The following BDP1 variants were observed in gnomAD, a reference collection of about 807,000 sequenced individuals.
BDP1 encodes transcription factor TFIIIB component B'' homolog.
A neutral mutation model predicts 266.6 loss-of-function variants in BDP1; 169 were observed. The ratio of observed to expected loss-of-function variants is 0.63; its 90% CI spans 0.56 to 0.72. The LOEUF (loss-of-function observed/expected upper bound fraction) is 0.72, where lower values mean the gene tolerates loss of function less well. BDP1 is among the 30% of genes least tolerant of loss of function. The pLI, the probability that BDP1 is intolerant of heterozygous loss-of-function variation, is 0.00. For synonymous variants in BDP1, 1,090 were observed against 1,022.4 expected (o/e 1.07, Z -1.26); for missense variants, 3,015 against 3,053.8 (o/e 0.99, Z 0.30).
intron 8 of BDP1, among the ~76,000 whole-genome samples, chr5:71,485,775 T>C (rs1360780616): frequency 2.6e-5 from 4 of 152,310 alleles, no homozygotes; most frequent in South Asian, 2.1e-4. Context: ...CTGATACTTA[T>C]AAGAGTAAAT....
At chr5:71,563,026 A>G in intron 38 of BDP1, 1 of 438,206 alleles carries the variant, frequency 2.3e-6, no homozygotes, top group Non-Finnish European at 3.6e-6. Context: ...TGGAAGGGGT[A>G]CTTTTGTAAA....
intron 28 of BDP1, among the ~76,000 whole-genome samples, chr5:71,540,809 A>G (rs1000145817): frequency 6.6e-6 from 1 of 152,104 alleles, no homozygotes; most frequent in Non-Finnish European, 1.5e-5. Context: ...ATGGTGGTGT[A>G]CACTTGTAGT....
chr5:71,490,924 G>A, intron 10 of BDP1, 60 bp from the exon 11 acceptor site: 1 of 1,534,972 alleles, frequency 6.5e-7, no homozygotes. Flanking sequence ...ATTCCTTTGT[G>A]CTCTAAAAAA....
chr5:71,490,921 T>C lies in BDP1; in HGVS notation c.1493-63T>C, dbSNP rs148113088. On this transcript the variant is annotated intron_variant, in intron 10 of 38. Transcript: ENST00000358731. ...AAAGAGTGTTATAGGTAAATTCCTT[T>C]GTGCTCTAAAAAAGATGTTTTTGCT... The C allele has an allele frequency of 1.1e-3, 1,618 of 1,525,764 alleles. 21 individuals are homozygous for C. In the African/African-American group the frequency reaches 0.02, roughly 19 times the overall value. The allele number at this position is 1,525,764 out of a possible 1,614,324, so 94.5% of individuals were successfully genotyped here.
At chr5:71,488,959 C>T (rs1763427889) in intron 9 of BDP1, among the ~76,000 whole-genome samples, 1 of 151,874 alleles carries the variant, frequency 6.6e-6, no homozygotes, top group Non-Finnish European at 1.5e-5. Context: ...CCACCCTCCT[C>T]AGCCTCCCAA....
chr5:71,541,310 T>A (rs1215418429), intron 28 of BDP1, 144 bp from the exon 29 acceptor site: 1 of 478,598 alleles, frequency 2.1e-6, no homozygotes, highest in Admixed American at 4.0e-5. Context: ...ATTTATTTAT[T>A]TCTAAAATCT....
chr5:71,558,550 G>A (rs1313913056), intron 36 of BDP1, among the ~76,000 whole-genome samples: 3 of 150,826 alleles, frequency 2.0e-5, no homozygotes, highest in Non-Finnish European at 4.4e-5. Flanking sequence ...ACTTGACTGG[G>A]CGTGGTGGCT....
chr5:71,506,687 C>G (rs1764591635), intron 16 of BDP1, among the ~76,000 whole-genome samples: 1 of 151,032 alleles, frequency 6.6e-6, no homozygotes, highest in Non-Finnish European at 1.5e-5. Context: ...AATTTTGCAT[C>G]TTACCTACTT....
At chr5:71,562,120 C>T (rs1329075078) in intron 37 of BDP1, among the ~76,000 whole-genome samples, 154 bp from the exon 38 acceptor site, 2 of 141,452 alleles carry the variant, frequency 1.4e-5, no homozygotes, top group African/African-American at 5.3e-5. Flanking sequence ...ATCTCTTGAA[C>T]CTGGGAGGTG....
chr5:71,520,686 TTC>T (rs1358069421), intron 22 of BDP1, among the ~76,000 whole-genome samples: 1 of 152,176 alleles, frequency 6.6e-6, no homozygotes, highest in Non-Finnish European at 1.5e-5. Context: ...CCAGGCATTG[TTC>T]TAAGTGCTGA....
At chr5:71,549,228 A>G (rs1204641690) in intron 33 of BDP1, among the ~76,000 whole-genome samples, 192 bp from the exon 34 acceptor site, 3 of 151,492 alleles carry the variant, frequency 2.0e-5, no homozygotes, top group African/African-American at 7.3e-5. Flanking sequence ...ACAGAGCGAG[A>G]CTCTGTCTCC....
At chr5:71,488,171 G>GC (rs1763378472) in intron 9 of BDP1, among the ~76,000 whole-genome samples, 1 of 151,948 alleles carries the variant, frequency 6.6e-6, no homozygotes. Flanking sequence ...TGTTGCCCAG[G>GC]CTGGAGTGCA....
chr5:71,577,558 T>C, the BDP1 span, among the ~76,000 whole-genome samples: 16,228 of 146,340 alleles, frequency 0.11, 1,181 homozygotes, highest in Middle Eastern at 0.19. Context: ...ACTTAGAATA[T>C]AACCAAAGTG....
chr5:71,526,041 G>A (rs1321720964), intron 25 of BDP1, among the ~76,000 whole-genome samples: 3 of 152,188 alleles, frequency 2.0e-5, no homozygotes, highest in Non-Finnish European at 2.9e-5. Context: ...CGGGGTGGCG[G>A]CCGGGCAGAG....
rs1187113810 is a variant in BDP1, at chr5:71,513,959, G to A, written c.4470+552G>A. Among the ~76,000 whole-genome samples the A allele has an allele frequency of 4.0e-5, 6 of 151,522 alleles. No individual in the cohort carries two copies. In the East Asian group the frequency reaches 9.7e-4, roughly 25 times the overall value. On this transcript the variant is annotated intron_variant, in intron 19 of 38. Transcript: ENST00000358731. ...AGGCTGATCTCGAACTCCTAACCTC[G>A]TGATCTGCCTGCTTTGGCCTCCCAA... is the stretch of plus-strand genomic sequence containing the variant.
intron 34 of BDP1, among the ~76,000 whole-genome samples, chr5:71,549,847 CT>C (rs1742618130): frequency 6.6e-6 from 1 of 151,952 alleles, no homozygotes; most frequent in African/African-American, 2.4e-5. Context: ...ATTTTGAAAG[CT>C]AAAAAAATTA....
chr5:71,534,532 G>A (rs1010554259), intron 26 of BDP1, among the ~76,000 whole-genome samples: 3 of 151,648 alleles, frequency 2.0e-5, no homozygotes, highest in African/African-American at 4.8e-5. Context: ...ATGGAGTCTC[G>A]TCTGTCGCCC....
At chr5:71,557,074 C>T (rs1235882987) in intron 36 of BDP1, 149 bp downstream of exon 36, 3 of 449,386 alleles carry the variant, frequency 6.7e-6, no homozygotes, top group Non-Finnish European at 1.2e-5. Context: ...CCTGCAAAGG[C>T]CTTGGATTTG....
rs796610645 is a variant in BDP1, at chr5:71,520,845, C to G, written c.4992-1444C>G. On this transcript the variant is annotated intron_variant, in intron 22 of 38. Coordinates refer to ENST00000358731, the MANE Select transcript of BDP1 (RefSeq NM_018429.3). ...AAGTTTTGAGTAGGGAGTGTTGTGA[C>G]TGGGGATTCACTTTTTAATCAGCAG... Among the ~76,000 whole-genome samples the G allele has an allele frequency of 4.5e-4, 69 of 152,158 alleles. 1 individual carries two copies. The highest frequency in any genetic ancestry group is 1.6e-3 in the African/African-American group (68 of 41,522).
Sources: gnomAD v4.1 joint callset for allele counts (sites outside exome capture counted in the v4.1 genomes callset) on GRCh38, gnomAD v4.1.1 for gene constraint, MANE v1.5 for transcripts, NCBI Gene and HGNC (gene_info 2026-07-23, HGNC 2026-07-21) for gene names.